Variants in NSL1 observed in about 807,000 individuals in gnomAD.
The protein encoded by NSL1 is NSL1 component of MIS12 kinetochore complex, also known as kinetochore-associated protein NSL1 homolog.
Under a neutral mutation model 25.4 loss-of-function variants are expected in NSL1, and 11 were observed. That is an observed-to-expected ratio of 0.43 (90% confidence interval 0.27 to 0.72). NSL1 has a LOEUF of 0.72. Among genes scored for constraint, NSL1 ranks in the 30% least tolerant of loss-of-function variants. The probability of loss-of-function intolerance (pLI) is 0.19; values close to 1 mark genes in which losing one functional copy is unlikely to be tolerated. For synonymous variants in NSL1, 118 were observed against 120.6 expected, an observed-to-expected ratio of 0.98 and a Z score of 0.14; for missense variants, 330 against 342.7, an observed-to-expected ratio of 0.96 and a Z score of 0.29.
intron 4 of NSL1, among the ~76,000 whole-genome samples, chr1:212,777,431 C>A (rs978042529): frequency 6.6e-6 from 1 of 151,712 alleles, no homozygotes; most frequent in South Asian, 2.1e-4. Flanking sequence ...CTAAGTTAGT[C>A]CCCCTGTAAA....
chr1:212,747,552 G>C (rs190834737), intron 4 of NSL1, among the ~76,000 whole-genome samples: 3 of 152,328 alleles, frequency 2.0e-5, no homozygotes, highest in African/African-American at 7.2e-5. Context: ...AACCTTGTGA[G>C]AGCCCTATGC....
chr1:212,786,801 G>A (rs113425785), intron 2 of NSL1, among the ~76,000 whole-genome samples: 3,259 of 152,186 alleles, frequency 0.021, 58 homozygotes, highest in Non-Finnish European at 0.034. Flanking sequence ...GTGAAACTCT[G>A]TCTAAAAAGA....
chr1:212,783,248 C>T (rs1368988349), intron 3 of NSL1, among the ~76,000 whole-genome samples: 1 of 152,078 alleles, frequency 6.6e-6, no homozygotes, highest in Non-Finnish European at 1.5e-5. Context: ...AGTACCTCAC[C>T]TAGGCCAGCC....
At chr1:212,761,746 C>G (rs924311804) in intron 4 of NSL1, among the ~76,000 whole-genome samples, 6 of 151,864 alleles carry the variant, frequency 4.0e-5, no homozygotes, top group Middle Eastern at 3.4e-3. Context: ...ATAAGAAAAA[C>G]AATTCATGAT....
rs528238035 is a variant in NSL1, at chr1:212,729,728, CTT to C, written c.*8678_*8679del. ...AGATACCAAGGTCAAATCCTCCTCT[CTT>C]TTCCTTTTTCCTATCCGCTCTTCTG... On this transcript the variant is annotated 3_prime_UTR_variant, in exon 6 of 6. Coordinates refer to ENST00000366977, the MANE Select transcript of NSL1 (RefSeq NM_015471.4). 1.0e-5 allele frequency: 10 copies of C among 985,436 alleles called. No homozygotes were observed. The South Asian group carries it at 3.8e-4, about 37-fold the overall frequency. The allele number at this position is 985,436 out of a possible 1,614,324, so 61.0% of individuals were successfully genotyped here. A position where few individuals can be genotyped will look rare whatever the true frequency, so the allele number is the denominator to read the frequency against.
At chr1:212,738,935 G>GT (rs1658367941) in intron 5 of NSL1, among the ~76,000 whole-genome samples, 1 of 152,058 alleles carries the variant, frequency 6.6e-6, no homozygotes, top group Non-Finnish European at 1.5e-5. Context: ...GCTAATTTTT[G>GT]TATTTTTAGT....
At chr1:212,746,961 A>G (rs989197859) in intron 4 of NSL1, among the ~76,000 whole-genome samples, 2 of 152,312 alleles carry the variant, frequency 1.3e-5, no homozygotes, top group East Asian at 3.9e-4. Context: ...CCTGGCCAAC[A>G]TGGCAAAACT....
At chr1:212,779,594 C>T (rs1302336831) in intron 4 of NSL1, among the ~76,000 whole-genome samples, 2 of 108,490 alleles carry the variant, frequency 1.8e-5, no homozygotes, top group Non-Finnish European at 3.8e-5. Context: ...CCACCCCGTC[C>T]GGGAGGGAGG....
At chr1:212,747,511 T>C in intron 4 of NSL1, among the ~76,000 whole-genome samples, 1 of 152,208 alleles carries the variant, frequency 6.6e-6, no homozygotes, top group East Asian at 1.9e-4. Flanking sequence ...CCCTGAAAGA[T>C]AACTGCAGCT....
At chr1:212,783,906 C>T (rs1163150163) in intron 3 of NSL1, among the ~76,000 whole-genome samples, 1 of 152,102 alleles carries the variant, frequency 6.6e-6, no homozygotes, top group Non-Finnish European at 1.5e-5. Context: ...ACACCCAATT[C>T]ATAAAGCAAA....
chr1:212,768,035 C>T (rs1366597778), intron 4 of NSL1, among the ~76,000 whole-genome samples: 1 of 152,106 alleles, frequency 6.6e-6, no homozygotes, highest in African/African-American at 2.4e-5. Context: ...AAACTAAAAG[C>T]AGGGCCGGGC....
chr1:212,737,442 T>C lies in NSL1; in HGVS notation c.*966A>G, dbSNP rs563618749. On this transcript the variant is annotated 3_prime_UTR_variant, in exon 6 of 6. Transcript: ENST00000366977. ...TCAAAAGGGGAAACAGTTGGTAAGT[T>C]TGATGGCCCTGCCTACACTGTATAA... 7.1e-6 allele frequency: 7 copies of C among 985,298 alleles called. No individual in the cohort carries two copies. Among genetic ancestry groups the C allele is most frequent in the African/African-American group, 1.7e-5 (1 of 57,360 alleles). The allele number at this position is 985,298 out of a possible 1,614,324, so 61.0% of individuals were successfully genotyped here.
intron 4 of NSL1, among the ~76,000 whole-genome samples, chr1:212,761,655 G>T (rs1181694971): frequency 6.6e-6 from 1 of 151,848 alleles, no homozygotes; most frequent in African/African-American, 2.4e-5. Context: ...AAGAAAACAT[G>T]AAATACCTGA....
chr1:212,737,254 A>C lies in NSL1; in HGVS notation c.*1154T>G, dbSNP rs929658648. 1.1e-5 allele frequency: 11 copies of C among 985,232 alleles called. No individual in the cohort carries two copies. The South Asian group carries it at 5.2e-4, about 46-fold the overall frequency. The allele number at this position is 985,232 out of a possible 1,614,324, so 61.0% of individuals were successfully genotyped here. Reference sequence around the variant, plus strand: ...GTAACACTGAAACACAAAATGCAACAAAGTGGCTTTATAAGTTTTCTTCAC... The same window carrying C: ...GTAACACTGAAACACAAAATGCAACCAAGTGGCTTTATAAGTTTTCTTCAC... On this transcript the variant is annotated 3_prime_UTR_variant, in exon 6 of 6. Transcript: ENST00000366977.
chr1:212,765,512 A>G (rs1659762798), intron 4 of NSL1, among the ~76,000 whole-genome samples: 1 of 152,242 alleles, frequency 6.6e-6, no homozygotes, highest in Non-Finnish European at 1.5e-5. Flanking sequence ...AGAGATGGAA[A>G]AAGCATATGG....
Position 212,730,768 on chromosome 1 carries a change from A to G in NSL1, c.*7640T>C. ...TAGACGTAGTTCTAGTAGACAGGAGACTCTGGAGTCCTAATTCAGGTCAGT... is the reference window on the plus strand; with the variant it reads ...TAGACGTAGTTCTAGTAGACAGGAGGCTCTGGAGTCCTAATTCAGGTCAGT... On this transcript the variant is annotated 3_prime_UTR_variant, in exon 6 of 6. Coordinates refer to ENST00000366977, the MANE Select transcript of NSL1 (RefSeq NM_015471.4). 1.0e-6 allele frequency: 1 copy of G among 985,076 alleles called. No individual in the cohort carries two copies. Among genetic ancestry groups the G allele is most frequent in the South Asian group, 4.7e-5 (1 of 21,270 alleles). The allele number at this position is 985,076 out of a possible 1,614,324, so 61.0% of individuals were successfully genotyped here. A position where few individuals can be genotyped will look rare whatever the true frequency, so the allele number is the denominator to read the frequency against.
In NSL1 at chr1:212,728,877, G is replaced by C; in HGVS notation, c.*9531C>G. ...GAGGGCAAGACTGGGAGTGCTGGGG[G>C]TGGGGAGGCCAGAGTCCACCACTCT... On this transcript the variant is annotated 3_prime_UTR_variant, in exon 6 of 6. Transcript: ENST00000366977. 1.0e-6 allele frequency: 1 copy of C among 985,374 alleles called. No individual in the cohort carries two copies. Among genetic ancestry groups the C allele is most frequent in the Non-Finnish European group, 1.2e-6 (1 of 829,922 alleles). 61.0% of individuals were successfully genotyped at this position (985,374 alleles called of 1,614,324 possible). A position where few individuals can be genotyped will look rare whatever the true frequency, so the allele number is the denominator to read the frequency against.
At chr1:212,739,159 A>G (rs1042061226) in intron 5 of NSL1, among the ~76,000 whole-genome samples, 1 of 152,236 alleles carries the variant, frequency 6.6e-6, no homozygotes, top group Admixed American at 6.5e-5. Context: ...AAGAAATAAC[A>G]GTATCTGTCT....
chr1:212,745,187 T>A (rs1466350001), intron 4 of NSL1, among the ~76,000 whole-genome samples: 4 of 21,444 alleles, frequency 1.9e-4, no homozygotes, highest in Non-Finnish European at 3.3e-4. Flanking sequence ...TATATATATA[T>A]ATATATATAT....
Sources: gnomAD v4.1 joint callset for allele counts (sites outside exome capture counted in the v4.1 genomes callset) on GRCh38, gnomAD v4.1.1 for gene constraint, MANE v1.5 for transcripts, NCBI Gene and HGNC (gene_info 2026-07-23, HGNC 2026-07-21) for gene names.